Variants in GPHN observed in about 807,000 individuals in gnomAD.
GPHN encodes the protein gephyrin.
GPHN carries 17 observed loss-of-function variants against 95.5 expected under a neutral mutation model. The ratio of observed to expected loss-of-function variants is 0.18; its 90% confidence interval spans 0.12 to 0.27. GPHN has a LOEUF of 0.27. GPHN is among the 10% of genes least tolerant of loss of function. GPHN has a pLI of 1.00. For missense variants in GPHN, 660 were observed against 978.1 expected (o/e 0.67, Z 4.34); for synonymous variants, 320 against 322.5 (o/e 0.99, Z 0.08).
intron 1 of GPHN, among the ~76,000 whole-genome samples, chr14:66,598,670 C>A (rs1185944899): frequency 6.6e-6 from 1 of 151,952 alleles, no homozygotes; most frequent in East Asian, 1.9e-4. Context: ...CATGGTGAAA[C>A]CCCATCTCTA....
chr14:67,681,981 G>A, the GPHN span, among the ~76,000 whole-genome samples: 1 of 152,128 alleles, frequency 6.6e-6, no homozygotes, highest in East Asian at 1.9e-4. Flanking sequence ...TCACTATCAT[G>A]GGAGTGGGTT....
the GPHN span, among the ~76,000 whole-genome samples, chr14:67,669,742 G>C: frequency 6.6e-6 from 1 of 152,078 alleles, no homozygotes; most frequent in Non-Finnish European, 1.5e-5. Context: ...AAAAAATGCA[G>C]ACACCCTGGA....
the GPHN span, chr14:67,650,576 C>A: frequency 2.9e-6 from 2 of 700,558 alleles, no homozygotes; most frequent in South Asian, 3.6e-5. Context: ...GTGCAAGGGG[C>A]TTCCTAAAAA....
intron 11 of GPHN, among the ~76,000 whole-genome samples, chr14:67,078,958 A>G (rs1365836984): frequency 6.6e-6 from 1 of 152,094 alleles, no homozygotes; most frequent in Non-Finnish European, 1.5e-5. Flanking sequence ...AGTTGACTTT[A>G]TACCAACTCC....
At chr14:67,472,897 C>T in the GPHN span, 1 of 163,492 alleles carries the variant, frequency 6.1e-6, no homozygotes, top group African/African-American at 2.4e-5. Context: ...TGCAGACCAG[C>T]GTTGCTGCCA....
rs367829358 is a variant in GPHN at position 66,703,027 on chromosome 14, G to A, written c.143+21842G>A. Among the ~76,000 whole-genome samples the A allele has an allele frequency of 3.8e-5, 5 of 132,260 alleles. No homozygotes were observed. In the South Asian group the frequency reaches 9.4e-4, roughly 25 times the overall value. The allele number at this position is 132,260 out of a possible 152,430, so 86.8% of individuals were successfully genotyped here. On this transcript the variant is annotated intron_variant, in intron 2 of 22. Transcript: ENST00000478722. The stretch of plus-strand genomic sequence containing the variant: ...AAGAATCAATAGCCGAATCGACCAA[G>A]TGGAAGAAGGGATATCAGTTTGAAG...
chr14:67,379,905 C>T, the GPHN span, among the ~76,000 whole-genome samples: 1 of 151,920 alleles, frequency 6.6e-6, no homozygotes, highest in Admixed American at 6.6e-5. Context: ...CCGCCCGCCT[C>T]GGCCTCCCAA....
chr14:67,600,744 T>C, the GPHN span, among the ~76,000 whole-genome samples: 4 of 152,116 alleles, frequency 2.6e-5, no homozygotes, highest in Non-Finnish European at 4.4e-5. Context: ...CACGCCCTGC[T>C]GATTTTTGTA....
the GPHN span, chr14:67,446,016 T>A: frequency 1.9e-6 from 1 of 516,904 alleles, no homozygotes; most frequent in Non-Finnish European, 3.9e-6. Context: ...GAAAACCAGA[T>A]CTTTTGTTCA....
At chr14:67,482,863 T>C in the GPHN span, among the ~76,000 whole-genome samples, 1 of 152,166 alleles carries the variant, frequency 6.6e-6, no homozygotes, top group Non-Finnish European at 1.5e-5. Context: ...CTGCAGGCCT[T>C]GATGAAGTCC....
intron 1 of GPHN, among the ~76,000 whole-genome samples, chr14:66,607,211 C>G (rs1269678366): frequency 1.3e-5 from 2 of 151,860 alleles, no homozygotes; most frequent in Non-Finnish European, 2.9e-5. Context: ...AAAGCTTTTT[C>G]TTGTCTATTG....
chr14:67,019,396 T>G (rs1237056813), intron 9 of GPHN, among the ~76,000 whole-genome samples: 1 of 152,180 alleles, frequency 6.6e-6, no homozygotes, highest in Non-Finnish European at 1.5e-5. Flanking sequence ...GAAGATGACT[T>G]ATTTTGTTCT....
chr14:66,602,062 T>C (rs1595181034), intron 1 of GPHN, among the ~76,000 whole-genome samples: 2 of 151,936 alleles, frequency 1.3e-5, no homozygotes, highest in African/African-American at 4.8e-5. Context: ...GAATTGTGGC[T>C]TTTCATTTTT....
chr14:66,659,913 T>G (rs1156750136), intron 1 of GPHN, among the ~76,000 whole-genome samples: 1 of 152,082 alleles, frequency 6.6e-6, no homozygotes, highest in Non-Finnish European at 1.5e-5. Context: ...ATTTATATAA[T>G]TAATTATCTG....
At chr14:66,708,401 T>C (rs953263331) in intron 2 of GPHN, among the ~76,000 whole-genome samples, 4 of 152,136 alleles carry the variant, frequency 2.6e-5, no homozygotes, top group Admixed American at 1.3e-4. Flanking sequence ...CAGTTATGTA[T>C]TAGTTAAATA....
the GPHN span, among the ~76,000 whole-genome samples, chr14:67,511,051 G>A: frequency 3.3e-5 from 5 of 152,164 alleles, no homozygotes; most frequent in Non-Finnish European, 5.9e-5. Flanking sequence ...CAGGGCTGAT[G>A]TCAAGGCCTT....
chr14:66,560,588 T>G (rs183206198), intron 1 of GPHN, among the ~76,000 whole-genome samples: 1 of 152,360 alleles, frequency 6.6e-6, no homozygotes, highest in African/African-American at 2.4e-5. Context: ...TGCACATTGA[T>G]TTTGTGTCCT....
At chr14:67,296,499 T>C in the GPHN span, among the ~76,000 whole-genome samples, 2 of 142,602 alleles carry the variant, frequency 1.4e-5, no homozygotes, top group Admixed American at 7.7e-5. Flanking sequence ...GAGAATGGCA[T>C]GAACCCGGGG....
the GPHN span, among the ~76,000 whole-genome samples, chr14:67,431,754 G>C: frequency 6.6e-6 from 1 of 152,174 alleles, no homozygotes; most frequent in Non-Finnish European, 1.5e-5. Context: ...GGAAATGTGA[G>C]CTGGGTTGTG....
Sources: allele counts gnomAD v4.1 joint callset (sites outside exome capture counted in the v4.1 genomes callset), GRCh38; gene constraint gnomAD v4.1.1; transcripts MANE v1.5; gene names NCBI Gene and HGNC (gene_info 2026-07-23, HGNC 2026-07-21).